NBEA: variants seen among roughly 807,000 people sequenced by gnomAD.
NBEA encodes lysosomal-trafficking regulator 2.
NBEA carries 44 observed loss-of-function variants against 343.4 expected under a neutral mutation model. The observed-to-expected ratio is 0.13, with a 90% CI of 0.10 to 0.16. The LOEUF (loss-of-function observed/expected upper bound fraction) is 0.16. NBEA is among the 10% of genes least tolerant of loss of function. The pLI, the probability that NBEA is intolerant of heterozygous loss-of-function variation, is 1.00. For missense variants in NBEA, 2,555 were observed against 3,631.3 expected (o/e 0.70, Z 7.62); for synonymous variants, 1,175 against 1,238.7 (o/e 0.95, Z 1.08).
At chr13:35,379,360 A>T (rs1460896942) in intron 38 of NBEA, among the ~76,000 whole-genome samples, 1 of 152,082 alleles carries the variant, frequency 6.6e-6, no homozygotes, top group Non-Finnish European at 1.5e-5. Context: ...TCTTTTGTCA[A>T]ATGTTTATAT....
At chr13:35,645,956 A>T (rs1336532634) in intron 50 of NBEA, 25 bp downstream of exon 50, 1 of 1,459,034 alleles carries the variant, frequency 6.9e-7, no homozygotes, top group Non-Finnish European at 9.3e-7. Context: ...TTTAGTGTGG[A>T]AAGTGTTCTT....
chr13:34,961,583 C>T (rs2059663325), intron 1 of NBEA, among the ~76,000 whole-genome samples: 1 of 152,016 alleles, frequency 6.6e-6, no homozygotes, highest in Non-Finnish European at 1.5e-5. Flanking sequence ...ATCCCACAAA[C>T]TTTTATTGAT....
At chr13:35,266,462 A>T (rs573668313) in intron 34 of NBEA, among the ~76,000 whole-genome samples, 1 of 151,996 alleles carries the variant, frequency 6.6e-6, no homozygotes, top group African/African-American at 2.4e-5. Context: ...AGATTAATGG[A>T]TAAAGAAAAT....
At chr13:35,052,253 A>T (rs2063089524) in intron 6 of NBEA, among the ~76,000 whole-genome samples, 1 of 151,986 alleles carries the variant, frequency 6.6e-6, no homozygotes, top group Non-Finnish European at 1.5e-5. Flanking sequence ...TATCCTTCCT[A>T]ATAAGAGATT....
Position 35,124,497 on chromosome 13 carries a change from TACAC to T in NBEA, c.2336+942_2336+945del, listed in dbSNP as rs375090464. 6.3e-3 allele frequency among the ~76,000 whole-genome samples: 915 copies of T among 146,156 alleles called. 11 individuals carry two copies. The highest frequency in any genetic ancestry group is 0.021 in the African/African-American group (840 of 40,066). On this transcript the variant is annotated intron_variant, in intron 17 of 58. Coordinates refer to ENST00000379939, the MANE Select transcript of NBEA (RefSeq NM_001385012.1). ...AGAAAAGGATATATATGTGTGTGTATACACACACACACACACACACACGGATATA... is the reference window on the plus strand; with the variant it reads ...AGAAAAGGATATATATGTGTGTGTATACACACACACACACACACGGATATA...
chr13:35,340,717 A>G (rs1246967474), intron 36 of NBEA, among the ~76,000 whole-genome samples: 1 of 152,098 alleles, frequency 6.6e-6, no homozygotes, highest in Non-Finnish European at 1.5e-5. Flanking sequence ...ACATTATTGA[A>G]TTTCTTTCAA....
chr13:35,166,610 T>C (rs1334885599), intron 24 of NBEA, among the ~76,000 whole-genome samples: 2 of 152,192 alleles, frequency 1.3e-5, no homozygotes, highest in African/African-American at 4.8e-5. Flanking sequence ...GCTGATTTTA[T>C]GTTTTTAGAA....
intron 38 of NBEA, among the ~76,000 whole-genome samples, chr13:35,368,782 T>C (rs978813938): frequency 6.6e-6 from 1 of 151,730 alleles, no homozygotes; most frequent in Non-Finnish European, 1.5e-5. Flanking sequence ...TATTATTATG[T>C]CATTCCTTGT....
intron 38 of NBEA, among the ~76,000 whole-genome samples, chr13:35,387,159 C>A (rs1180293881): frequency 2.0e-5 from 3 of 151,960 alleles, no homozygotes; most frequent in Non-Finnish European, 4.4e-5. Flanking sequence ...ATATAAAATA[C>A]CTGTGTGTAT....
At position 35,376,489 on chromosome 13, in the gene NBEA, T is replaced by C. The variant is rs138831426; in HGVS notation, c.6179+24166T>C. On this transcript the variant is annotated intron_variant, in intron 38 of 58. Coordinates refer to ENST00000379939, the MANE Select transcript of NBEA (RefSeq NM_001385012.1). The stretch of plus-strand genomic sequence containing the variant: ...TGTTACTATTATTCATAAAATCTAG[T>C]GTTCAGTGACAACTCTTATTTCAGC... Among the ~76,000 whole-genome samples the C allele has an allele frequency of 5.7e-3, 875 of 152,314 alleles. 10 individuals are homozygous for C. The highest frequency in any genetic ancestry group is 0.02 in the African/African-American group (833 of 41,560).
intron 1 of NBEA, among the ~76,000 whole-genome samples, chr13:34,953,535 T>C (rs565167880): frequency 2.6e-5 from 4 of 152,328 alleles, no homozygotes; most frequent in African/African-American, 9.6e-5. Flanking sequence ...TTCCCTGATA[T>C]TCCCCTAAAA....
At chr13:35,255,280 T>C (rs899552377) in intron 34 of NBEA, among the ~76,000 whole-genome samples, 2 of 152,250 alleles carry the variant, frequency 1.3e-5, no homozygotes, top group Non-Finnish European at 2.9e-5. Flanking sequence ...GATATTGTCA[T>C]GGGATCCTTG....
intron 38 of NBEA, among the ~76,000 whole-genome samples, chr13:35,418,764 G>T (rs925369141): frequency 6.6e-6 from 1 of 151,932 alleles, no homozygotes; most frequent in Non-Finnish European, 1.5e-5. Context: ...TGACTTGGTG[G>T]TAAACAATAT....
intron 1 of NBEA, among the ~76,000 whole-genome samples, chr13:34,969,878 A>G (rs891176786): frequency 2.0e-5 from 3 of 152,010 alleles, no homozygotes; most frequent in African/African-American, 7.2e-5. Flanking sequence ...TGCCTCTGTA[A>G]TGGAATGATG....
At chr13:35,313,395 G>C (rs188782718) in intron 36 of NBEA, among the ~76,000 whole-genome samples, 1 of 152,142 alleles carries the variant, frequency 6.6e-6, no homozygotes, top group Admixed American at 6.6e-5. Flanking sequence ...ATAGTGCCTA[G>C]CATGTAGTTA....
At chr13:35,376,847 T>C (rs1312525004) in intron 38 of NBEA, among the ~76,000 whole-genome samples, 2 of 152,282 alleles carry the variant, frequency 1.3e-5, no homozygotes, top group East Asian at 3.9e-4. Flanking sequence ...GAAAAGTTTC[T>C]GTAAGCCTGC....
intron 36 of NBEA, among the ~76,000 whole-genome samples, chr13:35,335,899 T>C (rs2039227170): frequency 6.6e-6 from 1 of 152,040 alleles, no homozygotes; most frequent in African/African-American, 2.4e-5. Flanking sequence ...CTGGACAGAC[T>C]TAAGAAGGCC....
intron 58 of NBEA, among the ~76,000 whole-genome samples, chr13:35,670,444 C>T (rs1016798072): frequency 2.6e-5 from 4 of 152,136 alleles, no homozygotes; most frequent in African/African-American, 4.8e-5. Flanking sequence ...AATGAGACGT[C>T]GTTGCCTTTA....
At chr13:35,475,688 T>G in intron 41 of NBEA, 10 of 1,613,730 alleles carry the variant, frequency 6.2e-6, no homozygotes, top group Non-Finnish European at 8.5e-6. Context: ...TCTGCCACCA[T>G]CTTTACCACA....
Sources: allele counts gnomAD v4.1 joint callset (sites outside exome capture counted in the v4.1 genomes callset), GRCh38; gene constraint gnomAD v4.1.1; transcripts MANE v1.5; gene names NCBI Gene and HGNC (gene_info 2026-07-23, HGNC 2026-07-21).